Variants in TBC1D1 observed in about 807,000 individuals in gnomAD.
TBC1D1 encodes TBC1 domain family member 1, also known as TBC1 (tre-2/USP6, BUB2, cdc16) domain family, member 1.
A neutral mutation model predicts 125.6 loss-of-function variants in TBC1D1; 89 were observed. The observed-to-expected ratio is 0.71, with a 90% CI of 0.60 to 0.85. The LOEUF is 0.85. Among genes scored for constraint, TBC1D1 ranks in the 40% least tolerant of loss-of-function variants. The pLI, the probability that TBC1D1 is intolerant of heterozygous loss-of-function variation, is 0.00. For missense variants in TBC1D1, 1,377 were observed against 1,469.2 expected, an observed-to-expected ratio of 0.94 and a Z score of 1.03; for synonymous variants, 565 against 564.1, an observed-to-expected ratio of 1.00 and a Z score of -0.02.
At chr4:37,970,467 C>T (rs1415095608) in intron 2 of TBC1D1, among the ~76,000 whole-genome samples, 7 of 152,194 alleles carry the variant, frequency 4.6e-5, no homozygotes, top group Non-Finnish European at 1.0e-4. Flanking sequence ...TTTCTCCATG[C>T]GGATCCTTCT....
In TBC1D1 at chr4:38,081,431, G is replaced by A. The variant is rs113218865; in HGVS notation, c.2051-8501G>A. On this transcript the variant is annotated intron_variant, in intron 12 of 19. Coordinates refer to ENST00000261439, the MANE Select transcript of TBC1D1 (RefSeq NM_015173.4). ...TACGTGACCATGGGCCCTGGACACA[G>A]CAAGACGGTGACCCCGGGCCTCCTA... Among the ~76,000 whole-genome samples, 547 of 152,050 alleles carry A rather than the reference G, an allele frequency of 3.6e-3. 4 individuals carry two copies. The highest frequency in any genetic ancestry group is 0.013 in the African/African-American group (521 of 41,468).
intron 13 of TBC1D1, among the ~76,000 whole-genome samples, chr4:38,092,120 G>A (rs1037682470): frequency 2.6e-5 from 4 of 152,132 alleles, no homozygotes; most frequent in African/African-American, 4.8e-5. Flanking sequence ...AAGTTTTGTC[G>A]GGGTGGATTG....
chr4:38,015,043 G>A (rs1742397816), intron 3 of TBC1D1, 70 bp downstream of exon 3: 1 of 1,301,898 alleles, frequency 7.7e-7, no homozygotes, highest in South Asian at 1.5e-5. Context: ...CTGCTTTATG[G>A]AGCGAAGATT....
At chr4:38,017,391 CAGA>C (rs1424614930) in intron 3 of TBC1D1, among the ~76,000 whole-genome samples, 2 of 152,172 alleles carry the variant, frequency 1.3e-5, no homozygotes, top group African/African-American at 4.8e-5. Flanking sequence ...TTGGTCTCCA[CAGA>C]AGGACAAGAG....
In TBC1D1 at chr4:38,089,949, G is replaced by C. The variant is rs1578647632; in HGVS notation, c.2068G>C (p.Glu690Gln). 1.9e-6 allele frequency: 3 copies of C among 1,591,668 alleles called. No individual in the cohort carries two copies. The change falls in exon 13 of 20, where the codon GAG becomes CAG. Residue 690 changes from glutamate to glutamine, a missense_variant. Glu to Gln is a conservative substitution (Grantham distance 29). Transcript: ENST00000261439. ...CTTTCCAGATTATTCAGAGCTGGGA[G>C]AGCTTCCCCCACGATCTCCTTTAGA...
Position 38,054,200 on chromosome 4 carries a change from G to A in TBC1D1, c.1912G>A (p.Asp638Asn). 1 of 1,613,908 alleles carries A rather than the reference G, an allele frequency of 6.2e-7. No homozygotes were observed. Among genetic ancestry groups the A allele is most frequent in the South Asian group, 1.1e-5 (1 of 91,072 alleles). ...AAATCAATCATCTTATAATTTTAGG[G>A]ACTTTGAATCCAAAGCAAACCATCT... Residue 638 changes from aspartate to asparagine, a missense_variant and splice_region_variant, in exon 12 of 20, where the codon GAC (aspartate) becomes AAC (asparagine). Coordinates refer to ENST00000261439, the MANE Select transcript of TBC1D1 (RefSeq NM_015173.4).
intron 19 of TBC1D1, among the ~76,000 whole-genome samples, chr4:38,136,779 G>C (rs545697474): frequency 2.4e-4 from 37 of 152,286 alleles, no homozygotes; most frequent in East Asian, 5.8e-4. Flanking sequence ...GCCCACTTCA[G>C]CTTTGTGTTG....
chr4:37,942,005 T>C (rs1725674483), intron 2 of TBC1D1, among the ~76,000 whole-genome samples: 1 of 152,186 alleles, frequency 6.6e-6, no homozygotes, highest in South Asian at 2.1e-4. Context: ...ATTCTGTTGA[T>C]TTGAGGTGGA....
At chr4:38,093,752 C>G (rs546759612) in intron 13 of TBC1D1, among the ~76,000 whole-genome samples, 5 of 152,140 alleles carry the variant, frequency 3.3e-5, no homozygotes, top group Admixed American at 3.3e-4. Flanking sequence ...AGAATGGTCT[C>G]GAACTCCTGA....
At chr4:38,126,951 C>G (rs936836759) in intron 18 of TBC1D1, among the ~76,000 whole-genome samples, 4 of 152,058 alleles carry the variant, frequency 2.6e-5, no homozygotes, top group Admixed American at 1.3e-4. Flanking sequence ...CTTCTCCACC[C>G]TTTTGATTCT....
chr4:38,041,796 A>G (rs1748431969), intron 8 of TBC1D1, among the ~76,000 whole-genome samples: 1 of 152,224 alleles, frequency 6.6e-6, no homozygotes, highest in Non-Finnish European at 1.5e-5. Context: ...TGATAGGATA[A>G]ACACCAAATA....
chr4:37,938,940 G>T (rs765780649), intron 2 of TBC1D1, among the ~76,000 whole-genome samples: 8 of 152,194 alleles, frequency 5.3e-5, no homozygotes, highest in Non-Finnish European at 1.2e-4. Flanking sequence ...GGACATCTGG[G>T]TTGGTTCCAA....
chr4:38,105,605 C>G (rs748822998), intron 15 of TBC1D1, among the ~76,000 whole-genome samples: 16 of 152,126 alleles, frequency 1.1e-4, no homozygotes, highest in South Asian at 4.1e-4. Context: ...CTCTCCACCC[C>G]CCAGGAGTCC....
In TBC1D1 at chr4:38,008,921, C is replaced by T. The variant is rs1470381004; in HGVS notation, c.418-5588C>T. ...TCTTACTCATTGTAGGAGGCATATT[C>T]AAATCTTCATGATTGAATCTAGTCC... On this transcript the variant is annotated intron_variant, in intron 2 of 19. Coordinates refer to ENST00000261439, the MANE Select transcript of TBC1D1 (RefSeq NM_015173.4). 2.0e-5 allele frequency among the ~76,000 whole-genome samples: 3 copies of T among 152,194 alleles called. No individual in the cohort carries two copies. The East Asian group carries it at 5.8e-4, about 29-fold the overall frequency.
chr4:37,961,262 T>C, intron 2 of TBC1D1: 1 of 593,720 alleles, frequency 1.7e-6, no homozygotes, highest in Admixed American at 3.1e-5. Context: ...AGACAGGAAA[T>C]AGCAAAGGAT....
chr4:38,043,890 A>G (rs1255030637), intron 8 of TBC1D1, among the ~76,000 whole-genome samples: 1 of 152,176 alleles, frequency 6.6e-6, no homozygotes, highest in Non-Finnish European at 1.5e-5. Flanking sequence ...AAGGTAAGTT[A>G]TTGTTTTATT....
At chr4:38,045,300 TTTTA>T (rs1560681794) in intron 9 of TBC1D1, among the ~76,000 whole-genome samples, 1 of 152,208 alleles carries the variant, frequency 6.6e-6, no homozygotes, top group Non-Finnish European at 1.5e-5. Context: ...AAACATCTGA[TTTTA>T]TTTTATTTTT....
At chr4:37,962,554 G>T (rs1376668999) in intron 2 of TBC1D1, among the ~76,000 whole-genome samples, 2 of 152,106 alleles carry the variant, frequency 1.3e-5, no homozygotes, top group Admixed American at 6.5e-5. Context: ...ATTTATGTAT[G>T]GTTATTAGCA....
chr4:38,078,969 G>C (rs2152521988), intron 12 of TBC1D1, among the ~76,000 whole-genome samples: 1 of 152,268 alleles, frequency 6.6e-6, no homozygotes, highest in Non-Finnish European at 1.5e-5. Flanking sequence ...AAGTTGGCTT[G>C]CTTTTCTTTT....
Sources: gnomAD v4.1 joint callset for allele counts (sites outside exome capture counted in the v4.1 genomes callset) on GRCh38, gnomAD v4.1.1 for gene constraint, MANE v1.5 for transcripts, NCBI Gene and HGNC (gene_info 2026-07-23, HGNC 2026-07-21) for gene names.